The following PMF1 variants were observed in gnomAD, a reference collection of about 807,000 sequenced individuals.
The protein encoded by PMF1 is polyamine modulated factor 1.
PMF1 carries 21 observed loss-of-function variants against 26.7 expected under a neutral mutation model. The ratio of observed to expected loss-of-function variants is 0.79; its 90% CI spans 0.56 to 1.13. The LOEUF is 1.13. Ranked by LOEUF, PMF1 falls within the 50% of genes most tolerant of loss-of-function variation. The probability of loss-of-function intolerance (pLI) is 0.00; values close to 1 mark genes in which losing one functional copy is unlikely to be tolerated. For synonymous variants in PMF1, 105 were observed against 101.0 expected (o/e 1.04, Z -0.24); for missense variants, 266 against 254.9 (o/e 1.04, Z -0.30).
intron 3 of PMF1, among the ~76,000 whole-genome samples, chr1:156,234,549 C>G (rs756052447): frequency 6.6e-6 from 1 of 151,452 alleles, no homozygotes; most frequent in Non-Finnish European, 1.5e-5. Flanking sequence ...TGCTCTGTTG[C>G]CCAGGTTGGA....
chr1:156,216,247 C>T (rs1270154671), intron 1 of PMF1, among the ~76,000 whole-genome samples: 4 of 151,922 alleles, frequency 2.6e-5, no homozygotes, highest in African/African-American at 9.7e-5. Flanking sequence ...AAAAATTAGC[C>T]GGGCCTAGTG....
chr1:156,218,302 T>C (rs1258885372), intron 1 of PMF1, among the ~76,000 whole-genome samples: 1 of 152,186 alleles, frequency 6.6e-6, no homozygotes, highest in Admixed American at 6.5e-5. Flanking sequence ...GTTGATGATG[T>C]CCTTTGAGGA....
At chr1:156,229,728 G>T (rs537369458) in intron 1 of PMF1, among the ~76,000 whole-genome samples, 80 of 151,902 alleles carry the variant, frequency 5.3e-4, no homozygotes. Context: ...GCATCACCAC[G>T]CCCGGCTAAT....
chr1:156,234,320 C>T (rs1658881418), intron 3 of PMF1, among the ~76,000 whole-genome samples: 1 of 149,616 alleles, frequency 6.7e-6, no homozygotes, highest in Non-Finnish European at 1.5e-5. Context: ...CCTGAGGGAG[C>T]TCATTTTAGG....
Position 156,232,412 on chromosome 1 carries a change from A to G in PMF1, c.254A>G (p.Gln85Arg). Residue 85 changes from glutamine to arginine, a missense_variant, in exon 2 of 5, where the codon CAG becomes CGG. Transcript: ENST00000368277. ...TATGACAAGTTTATAGCTCAGTTGCAGACATCTATCCGGGTGAGTGGCGGG... is the reference window on the plus strand; with the variant it reads ...TATGACAAGTTTATAGCTCAGTTGCGGACATCTATCCGGGTGAGTGGCGGG... ...QIYDKFIAQLQTSIREEISDI... is the reference protein window; with the variant it reads ...QIYDKFIAQLRTSIREEISDI... 5.0e-6 allele frequency: 8 copies of G among 1,613,960 alleles called. No individual in the cohort carries two copies. The highest frequency in any genetic ancestry group is 6.8e-6 in the Non-Finnish European group (8 of 1,179,852).
At chr1:156,234,811 G>A (rs1361841501) in intron 3 of PMF1, among the ~76,000 whole-genome samples, 2 of 151,842 alleles carry the variant, frequency 1.3e-5, no homozygotes, top group African/African-American at 2.4e-5. Context: ...GCCCAGCCTC[G>A]ATACTGTTTT....
chr1:156,232,206 C>A (rs950408669), intron 1 of PMF1, 114 bp from the exon 2 acceptor site: 2 of 881,058 alleles, frequency 2.3e-6, no homozygotes, highest in African/African-American at 1.7e-5. Context: ...TTAACCAGGG[C>A]CATGAAGTGG....
rs752964531 is a variant in PMF1 at position 156,232,436 on chromosome 1, G to T, written c.267+11G>T. ...CAGACATCTATCCGGGTGAGTGGCG[G>T]GAAGCCTGGCAGGTGCTGTTGACTT... On this transcript the variant is annotated intron_variant, in intron 2 of 4. Transcript: ENST00000368277. The T allele has an allele frequency of 1.2e-6, 2 of 1,613,112 alleles. No individual in the cohort carries two copies. The highest frequency in any genetic ancestry group is 1.7e-6 in the Non-Finnish European group (2 of 1,179,246).
At chr1:156,226,530 A>G (rs1008796113) in intron 1 of PMF1, among the ~76,000 whole-genome samples, 2 of 152,242 alleles carry the variant, frequency 1.3e-5, no homozygotes, top group African/African-American at 4.8e-5. Context: ...CTGGGGAGCC[A>G]AGTTACTGAC....
chr1:156,230,684 T>G (rs1183588662), intron 1 of PMF1, among the ~76,000 whole-genome samples: 1 of 152,182 alleles, frequency 6.6e-6, no homozygotes, highest in Non-Finnish European at 1.5e-5. Context: ...CCATTGGGAA[T>G]ATACTGGATA....
chr1:156,227,179 T>C (rs1658413861), intron 1 of PMF1, among the ~76,000 whole-genome samples: 2 of 152,166 alleles, frequency 1.3e-5, no homozygotes, highest in African/African-American at 2.4e-5. Flanking sequence ...AAGATAAAAT[T>C]TGACACTTGG....
chr1:156,239,667 C>A lies in PMF1; in HGVS notation c.*66C>A. ...AGAGCCTGTGGTCCAGCATGCCTGG[C>A]CTGGGCGGGCTACCTCTGAGAACGG... is the stretch of plus-strand genomic sequence containing the variant. On this transcript the variant is annotated 3_prime_UTR_variant, in exon 5 of 5. Coordinates refer to ENST00000368277, the MANE Select transcript of PMF1 (RefSeq NM_007221.4). 7.4e-7 allele frequency: 1 copy of A among 1,355,000 alleles called. No homozygotes were observed. The highest frequency in any genetic ancestry group is 1.1e-6 in the Non-Finnish European group (1 of 948,602). The allele number at this position is 1,355,000 out of a possible 1,614,324, so 83.9% of individuals were successfully genotyped here.
rs1052053 is a variant in PMF1, at chr1:156,232,382, A to G, written c.224A>G (p.Gln75Arg). 623,454 of 1,613,436 alleles carry G rather than the reference A, an allele frequency of 0.39. 124,676 individuals are homozygous for G. The highest frequency in any genetic ancestry group is 0.68 in the African/African-American group (51,050 of 74,928). ...CAGTTGCAGCCTGCGATGACACAGC[A>G]AATCTATGACAAGTTTATAGCTCAG... ...FYQLQPAMTQ[Q>R]IYDKFIAQLQ... Residue 75 changes from glutamine to arginine, a missense_variant, in exon 2 of 5, where the codon CAA becomes CGA. By Grantham distance (43) the Gln-to-Arg change is conservative. Coordinates refer to ENST00000368277, the MANE Select transcript of PMF1 (RefSeq NM_007221.4).
intron 3 of PMF1, among the ~76,000 whole-genome samples, chr1:156,235,122 ATT>A (rs35707231): frequency 0.12 from 17,335 of 147,200 alleles, 1,606 homozygotes; most frequent in African/African-American, 0.26. Flanking sequence ...CTGAAAAAGA[ATT>A]TTTTTTTTTT....
chr1:156,225,384 T>G (rs1465053511), intron 1 of PMF1, among the ~76,000 whole-genome samples: 3 of 151,286 alleles, frequency 2.0e-5, no homozygotes, highest in Non-Finnish European at 4.4e-5. Flanking sequence ...TTCCGAGATT[T>G]TGGTGCACCC....
intron 4 of PMF1, among the ~76,000 whole-genome samples, chr1:156,237,565 G>A (rs1659101493): frequency 6.7e-6 from 1 of 149,656 alleles, no homozygotes; most frequent in Admixed American, 6.8e-5. Flanking sequence ...TCATGCCTCA[G>A]CCTCCTGAGT....
chr1:156,232,287 C>G, intron 1 of PMF1, 33 bp from the exon 2 acceptor site: 2 of 1,607,864 alleles, frequency 1.2e-6, no homozygotes, highest in South Asian at 1.1e-5. Flanking sequence ...CATGCTTGGC[C>G]CTCCCCACCT....
chr1:156,227,146 A>C (rs973432030), intron 1 of PMF1, among the ~76,000 whole-genome samples: 5 of 152,212 alleles, frequency 3.3e-5, no homozygotes, highest in African/African-American at 1.2e-4. Flanking sequence ...CCTTGTCCAC[A>C]AGGATATTAT....
rs369423554 is a variant in PMF1, at chr1:156,233,719, A to G, written c.359A>G (p.Glu120Gly). Residue 120 changes from glutamate to glycine, a missense_variant, in exon 3 of 5, where the codon GAG becomes GGG. By Grantham distance (98) the Glu-to-Gly change is moderately conservative. Transcript: ENST00000368277. ...GTGGAAGAAGGCAAAGTCCGCAAAG[A>G]GCCAGCCTGGTGAGAGTGGGGTGGG... Reference protein sequence around the residue: ...KIVEEGKVRKEPAWRPSGIPE... With the variant: ...KIVEEGKVRKGPAWRPSGIPE... 3.5e-5 allele frequency: 57 copies of G among 1,613,218 alleles called. No individual in the cohort carries two copies. Among genetic ancestry groups the G allele is most frequent in the Non-Finnish European group, 4.7e-5 (56 of 1,179,668 alleles).
Sources: gnomAD v4.1 joint callset for allele counts (sites outside exome capture counted in the v4.1 genomes callset) on GRCh38, gnomAD v4.1.1 for gene constraint, MANE v1.5 for transcripts, NCBI Gene and HGNC (gene_info 2026-07-23, HGNC 2026-07-21) for gene names.